The following PCDHA7 variants were observed in gnomAD, a reference collection of about 807,000 sequenced individuals.
The protein encoded by PCDHA7 is protocadherin alpha 7.
Under a neutral mutation model 57.2 loss-of-function variants are expected in PCDHA7, and 37 were observed. The observed-to-expected ratio is 0.65, with a 90% CI of 0.50 to 0.85. The LOEUF (loss-of-function observed/expected upper bound fraction) is 0.85. Among genes scored for constraint, PCDHA7 ranks in the 40% least tolerant of loss-of-function variants. PCDHA7 has a pLI of 0.00. For missense variants in PCDHA7, 1,188 were observed against 1,241.8 expected (o/e 0.96, Z 0.65); for synonymous variants, 553 against 558.8 (o/e 0.99, Z 0.15).
At chr5:140,841,586 C>A (rs1327577851) in intron 1 of PCDHA7, 4 of 1,614,026 alleles carry the variant, frequency 2.5e-6, no homozygotes, top group East Asian at 4.5e-5. Flanking sequence ...TGTGAATTCT[C>A]GGATCGACCG....
At chr5:140,993,321 G>A (rs1021026330) in intron 3 of PCDHA7, among the ~76,000 whole-genome samples, 58 of 152,134 alleles carry the variant, frequency 3.8e-4, no homozygotes, top group African/African-American at 5.3e-4. Context: ...TACCTTCTAA[G>A]TGTTTGTGAT....
chr5:140,946,631 T>TATATAGATATATATATATATATATACAC (rs57893927), intron 1 of PCDHA7, among the ~76,000 whole-genome samples: 1 of 131,846 alleles, frequency 7.6e-6, no homozygotes, highest in African/African-American at 3.5e-5. Flanking sequence ...TATATATATA[T>TATATAGATATATATATATATATATACAC]ACAATGGAAT....
intron 1 of PCDHA7, among the ~76,000 whole-genome samples, chr5:140,901,174 G>C (rs782712619): frequency 1.3e-5 from 2 of 152,050 alleles, no homozygotes; most frequent in Non-Finnish European, 2.9e-5. Flanking sequence ...TCTTCACTTT[G>C]TTGATTGTTT....
At chr5:140,874,757 C>T (rs984706003) in intron 1 of PCDHA7, among the ~76,000 whole-genome samples, 6 of 152,190 alleles carry the variant, frequency 3.9e-5, no homozygotes, top group Non-Finnish European at 8.8e-5. Context: ...CAAACAATAA[C>T]GCTCTCCATA....
intron 2 of PCDHA7, among the ~76,000 whole-genome samples, chr5:140,980,115 G>A (rs1263722649): frequency 6.6e-6 from 1 of 152,142 alleles, no homozygotes; most frequent in African/African-American, 2.4e-5. Flanking sequence ...ATTGGAACCT[G>A]GGTCATAATT....
intron 1 of PCDHA7, among the ~76,000 whole-genome samples, chr5:140,924,429 A>G (rs1331551212): frequency 6.6e-6 from 1 of 152,184 alleles, no homozygotes; most frequent in Non-Finnish European, 1.5e-5. Flanking sequence ...CTAGTTCCCT[A>G]GAAGAGATAA....
intron 1 of PCDHA7, among the ~76,000 whole-genome samples, chr5:140,888,153 G>A (rs2061714988): frequency 6.6e-6 from 1 of 152,056 alleles, no homozygotes; most frequent in African/African-American, 2.4e-5. Context: ...TTGCATGACT[G>A]GTAATCTCTA....
At chr5:140,900,924 A>C (rs553059638) in intron 1 of PCDHA7, among the ~76,000 whole-genome samples, 1 of 152,216 alleles carries the variant, frequency 6.6e-6, no homozygotes, top group South Asian at 2.1e-4. Flanking sequence ...ATGATATCTC[A>C]TTGTAGTTTT....
At chr5:140,852,771 G>A (rs1284369835) in intron 1 of PCDHA7, 2 of 980,778 alleles carry the variant, frequency 2.0e-6, no homozygotes, top group African/African-American at 3.5e-5. Context: ...CTGATTATTT[G>A]ATGTGAATAG....
chr5:140,919,933 T>C (rs2153555434), intron 1 of PCDHA7, among the ~76,000 whole-genome samples: 1 of 152,222 alleles, frequency 6.6e-6, no homozygotes. Flanking sequence ...AGGTGGGGGC[T>C]AATTCCAGTG....
At position 140,853,586 on chromosome 5, in the gene PCDHA7, A is replaced by T; in HGVS notation, c.2355+16848A>T. 4 of 985,384 alleles carry T rather than the reference A, an allele frequency of 4.1e-6. 1 individual carries two copies. Among genetic ancestry groups the T allele is most frequent in the Non-Finnish European group, 4.9e-6 (4 of 817,556 alleles). 61.0% of individuals were successfully genotyped at this position (985,384 alleles called of 1,614,324 possible). ...ACTAAGTTGTCACCCAATATCTTAG[A>T]CACTTTGAGAGCAAAGGGGGTGCTG... is the stretch of plus-strand genomic sequence containing the variant. On this transcript the variant is annotated intron_variant, in intron 1 of 3. Transcript: ENST00000525929.
At chr5:140,841,121 A>G in intron 1 of PCDHA7, 1 of 638,688 alleles carries the variant, frequency 1.6e-6, no homozygotes, top group Non-Finnish European at 2.6e-6. Flanking sequence ...TCATGTAATC[A>G]TTACCTTTTG....
intron 1 of PCDHA7, chr5:140,841,708 C>T: frequency 6.2e-7 from 1 of 1,613,888 alleles, no homozygotes. Context: ...TTAATGACAA[C>T]CCGCCAGTGT....
At position 140,882,350 on chromosome 5, in the gene PCDHA7, A is replaced by G. The variant is rs782733540; in HGVS notation, c.2355+45612A>G. ...GATCCTCGCAGCCTGGGAGACGGGT[A>G]GTGGCCAGCTCCACTACTCCGTCCC... is the stretch of plus-strand genomic sequence containing the variant. On this transcript the variant is annotated intron_variant, in intron 1 of 3. Transcript: ENST00000525929. The G allele has an allele frequency of 1.9e-6, 3 of 1,614,176 alleles. No individual in the cohort carries two copies. In the Admixed American group the frequency reaches 5.0e-5, roughly 27 times the overall value.
rs782379229 is a variant in PCDHA7, at chr5:140,927,578, A to G, written c.2356-51371A>G. ...ATCATTGTGGTGGACACAAATGACAACGCGCCTGTATTTGAGCGCTCCGTA... is the reference window on the plus strand; with the variant it reads ...ATCATTGTGGTGGACACAAATGACAGCGCGCCTGTATTTGAGCGCTCCGTA... On this transcript the variant is annotated intron_variant, in intron 1 of 3. Transcript: ENST00000525929. 1.5e-5 allele frequency: 24 copies of G among 1,614,024 alleles called. No homozygotes were observed. The highest frequency in any genetic ancestry group is 2.0e-5 in the Non-Finnish European group (24 of 1,180,026).
intron 1 of PCDHA7, among the ~76,000 whole-genome samples, chr5:140,970,923 C>T (rs1009753173): frequency 1.3e-5 from 2 of 152,032 alleles, no homozygotes; most frequent in African/African-American, 4.8e-5. Flanking sequence ...ATCAGAAGTG[C>T]CTGGTGTTAG....
chr5:140,926,806 C>T, intron 1 of PCDHA7: 1 of 1,456,722 alleles, frequency 6.9e-7, no homozygotes, highest in Non-Finnish European at 9.0e-7. Flanking sequence ...CTCTTCCCCG[C>T]GGCTCGTGCT....
chr5:140,869,432 T>C (rs1562628312), intron 1 of PCDHA7: 3 of 1,614,192 alleles, frequency 1.9e-6, no homozygotes, highest in Non-Finnish European at 2.5e-6. Context: ...GAGGTGATCG[T>C]GGACAGGCCG....
At chr5:140,856,040 A>T (rs374986437) in intron 1 of PCDHA7, 4 of 1,569,320 alleles carry the variant, frequency 2.5e-6, no homozygotes, top group Non-Finnish European at 3.5e-6. Flanking sequence ...AAAACAAGAG[A>T]AGGATAAGAT....
Sources: gnomAD v4.1 joint callset for allele counts (sites outside exome capture counted in the v4.1 genomes callset) on GRCh38, gnomAD v4.1.1 for gene constraint, MANE v1.5 for transcripts, NCBI Gene and HGNC (gene_info 2026-07-23, HGNC 2026-07-21) for gene names.